ANKLE2: variants seen among roughly 807,000 people sequenced by gnomAD.
ANKLE2 encodes the protein ankyrin repeat and LEM domain-containing protein 2.
In ANKLE2, 55 loss-of-function variants were observed where a neutral mutation model predicts 84.2. The observed-to-expected ratio is 0.65, with a 90% CI of 0.53 to 0.82. The LOEUF (loss-of-function observed/expected upper bound fraction) is 0.82, where lower values mean the gene tolerates loss of function less well. ANKLE2 is among the 40% of genes least tolerant of loss of function. The pLI is 0.00. For missense variants in ANKLE2, 1,238 were observed against 1,201.9 expected (o/e 1.03, Z -0.44); for synonymous variants, 551 against 486.1 (o/e 1.13, Z -1.76).
chr12:132,736,618 A>T (rs1022141198), intron 8 of ANKLE2, among the ~76,000 whole-genome samples: 1 of 152,232 alleles, frequency 6.6e-6, no homozygotes, highest in African/African-American at 2.4e-5. Flanking sequence ...CGACACGCGC[A>T]CAGGACGGGG....
rs954752423 is a variant in ANKLE2 at position 132,726,041 on chromosome 12, A to G, written c.*1201T>C. The G allele has an allele frequency of 2.6e-5, 4 of 152,214 alleles. No homozygotes were observed. Among genetic ancestry groups the G allele is most frequent in the Non-Finnish European group, 4.4e-5 (3 of 68,042 alleles). The allele number at this position is 152,214 out of a possible 1,614,324, so 9.4% of individuals were successfully genotyped here. On this transcript the variant is annotated 3_prime_UTR_variant, in exon 13 of 13. Transcript: ENST00000357997. The stretch of plus-strand genomic sequence containing the variant: ...CTGCGTCTACTTAATATCCCTGTAT[A>G]TCCTCAAAAAGCAAGTTCAGGAAAT...
chr12:132,757,883 C>T (rs1021885240), intron 1 of ANKLE2: 4 of 149,864 alleles, frequency 2.7e-5, no homozygotes, highest in African/African-American at 9.9e-5. Context: ...ACTTGGGGGG[C>T]TGAGGAAGGA....
At chr12:132,753,249 G>A (rs923400169) in intron 2 of ANKLE2, among the ~76,000 whole-genome samples, 2 of 152,086 alleles carry the variant, frequency 1.3e-5, no homozygotes, top group Non-Finnish European at 2.9e-5. Flanking sequence ...GAGCCTGGTA[G>A]GCAGACATTG....
At chr12:132,756,349 G>C (rs574744607) in intron 1 of ANKLE2, 1 of 151,494 alleles carries the variant, frequency 6.6e-6, no homozygotes, top group East Asian at 2.0e-4. Context: ...CAGCCTAGGG[G>C]ACAAGAGCAA....
In ANKLE2 at chr12:132,727,451, A is replaced by G; in HGVS notation, c.2616-8T>C. ...ACCGCGGGACTGGGCCAACTGCGGA[A>G]AGCAAGAAAGAACTGTTAGCAGACG... On this transcript the variant is annotated splice_region_variant and splice_polypyrimidine_tract_variant and intron_variant, in intron 12 of 12. Coordinates refer to ENST00000357997, the MANE Select transcript of ANKLE2 (RefSeq NM_015114.3). 6.4e-7 allele frequency: 1 copy of G among 1,552,118 alleles called. No homozygotes were observed. Among genetic ancestry groups the G allele is most frequent in the Non-Finnish European group, 8.7e-7 (1 of 1,147,832 alleles).
rs1397442459 is a variant in ANKLE2, at chr12:132,727,288, C to G, written c.2771G>C (p.Ser924Thr). The G allele has an allele frequency of 6.4e-7, 1 of 1,566,658 alleles. No individual in the cohort carries two copies. Among genetic ancestry groups the G allele is most frequent in the South Asian group, 1.2e-5 (1 of 85,114 alleles). ...CAGGCGCGCCATCCTGCGGAGCTGG[C>G]TCCCGTGCACGGGGCTGTAGCGCCC... Reference protein sequence around the residue: ...SPGRYSPVHGSQLRRMARLAE... With the variant: ...SPGRYSPVHGTQLRRMARLAE... Residue 924 changes from serine (S) to threonine (T), a missense_variant, in exon 13 of 13, where the codon AGC becomes ACC. This residue lies in a region of ANKLE2 where 802 missense variants were observed against 774.5 expected (regional missense o/e 1.04). Transcript: ENST00000357997.
At position 132,734,475 on chromosome 12, in the gene ANKLE2, C is replaced by G; in HGVS notation, c.1801G>C (p.Glu601Gln). The change falls in exon 10 of 13, where the codon GAA becomes CAA. Residue 601 changes from glutamate to glutamine, a missense_variant. Physicochemically the swap from Glu to Gln is conservative, Grantham distance 29. Coordinates refer to ENST00000357997, the MANE Select transcript of ANKLE2 (RefSeq NM_015114.3). ...CCTATTTCCTGCTGTGTGAGATATT[C>G]TTCTAGTCTTTGCAGGCCTTCCTGG... ...SSQEGLQRLEEYLTQQEIGKK... is the reference protein window; with the variant it reads ...SSQEGLQRLEQYLTQQEIGKK... 2 of 1,614,132 alleles carry G rather than the reference C, an allele frequency of 1.2e-6. No homozygotes were observed. The highest frequency in any genetic ancestry group is 2.2e-5 in the South Asian group (2 of 91,088).
At chr12:132,728,516 C>A (rs1015899709) in intron 11 of ANKLE2, among the ~76,000 whole-genome samples, 2 of 152,242 alleles carry the variant, frequency 1.3e-5, no homozygotes, top group Non-Finnish European at 2.9e-5. Context: ...GCGTGAGCCA[C>A]CACACCCAGA....
At position 132,727,395 on chromosome 12, in the gene ANKLE2, A is replaced by C. The variant is rs1179034603; in HGVS notation, c.2664T>G (p.Asp888Glu). 1 of 1,561,456 alleles carries C rather than the reference A, an allele frequency of 6.4e-7. No homozygotes were observed. Among genetic ancestry groups the C allele is most frequent in the Non-Finnish European group, 8.7e-7 (1 of 1,152,694 alleles). Residue 888 changes from aspartate to glutamate, a missense_variant, in exon 13 of 13, where the codon GAT becomes GAG. This residue lies in a region of ANKLE2 where 802 missense variants were observed against 774.5 expected (regional missense o/e 1.04). Coordinates refer to ENST00000357997, the MANE Select transcript of ANKLE2 (RefSeq NM_015114.3). The stretch of plus-strand genomic sequence containing the variant: ...GACTGTAGCTGTGAGGGCCACTGAG[A>C]TCTGGCAGCTGAGACTTGAACCTTC... ...VKGRFKSQLP[D>E]LSGPHSYSPG...
Position 132,754,766 on chromosome 12 carries a change from G to A in ANKLE2, c.549C>T (p.Thr183=), listed in dbSNP as rs562657982. 18 of 1,613,984 alleles carry A rather than the reference G, an allele frequency of 1.1e-5. No individual in the cohort carries two copies. Among genetic ancestry groups the A allele is most frequent in the Non-Finnish European group, 1.4e-5 (16 of 1,180,042 alleles). ...SKTCSVPPSD[T]DTYRAGATAS... ...CAGTCGCTCCAGCTCTGTAGGTGTC[G>A]GTGTCACTAGGGGGCACCGAGCAGG... The change falls in exon 2 of 13, where the codon ACC becomes ACT. Residue 183 remains threonine, a synonymous_variant. Coordinates refer to ENST00000357997, the MANE Select transcript of ANKLE2 (RefSeq NM_015114.3).
chr12:132,743,080 G>C lies in ANKLE2; in HGVS notation c.1353+74C>G. The stretch of plus-strand genomic sequence containing the variant: ...AGCTCCTTGTGGCTTCCCTGTGCCT[G>C]TGATCACAGACTGTAAATTTATATA... On this transcript the variant is annotated intron_variant, in intron 6 of 12. Transcript: ENST00000357997. This position sits in a 1 kb window ranked among gnomAD's most constrained non-coding sequence, Gnocchi z 4.1. 1 of 1,421,962 alleles carries C rather than the reference G, an allele frequency of 7.0e-7. No individual in the cohort carries two copies. Among genetic ancestry groups the C allele is most frequent in the Non-Finnish European group, 9.4e-7 (1 of 1,059,908 alleles). The allele number at this position is 1,421,962 out of a possible 1,614,324, so 88.1% of individuals were successfully genotyped here.
rs542375274 is a variant in ANKLE2, at chr12:132,728,252, C to T, written c.2484-89G>A. 1.2e-5 allele frequency: 18 copies of T among 1,510,018 alleles called. No individual in the cohort carries two copies. In the African/African-American group the frequency reaches 1.4e-4, roughly 12 times the overall value. 93.5% of individuals were successfully genotyped at this position (1,510,018 alleles called of 1,614,324 possible). A position where few individuals can be genotyped will look rare whatever the true frequency, so the allele number is the denominator to read the frequency against. On this transcript the variant is annotated intron_variant, in intron 11 of 12. Coordinates refer to ENST00000357997, the MANE Select transcript of ANKLE2 (RefSeq NM_015114.3). ...CACTACTTTTTTTTTTATTTTGAGA[C>T]GGAGTCTTGCTCTGTCGCCCAGGCT...
intron 10 of ANKLE2, 26 bp downstream of exon 10, chr12:132,734,359 C>T (rs2043961485): frequency 6.2e-7 from 1 of 1,607,122 alleles, no homozygotes; most frequent in African/African-American, 1.3e-5. Flanking sequence ...CTCCCAGCTG[C>T]CACAGCCACG....
chr12:132,731,612 G>GT (rs1341150127), intron 10 of ANKLE2: 1 of 151,888 alleles, frequency 6.6e-6, no homozygotes, highest in Non-Finnish European at 1.5e-5. Context: ...GCAAATTTCT[G>GT]TTTTTTTAAA....
chr12:132,732,937 CGT>C lies in ANKLE2; in HGVS notation c.1891+1446_1891+1447del, dbSNP rs1279231370. Among the ~76,000 whole-genome samples the C allele has an allele frequency of 1.6e-4, 22 of 137,400 alleles. 2 individuals carry two copies. Among genetic ancestry groups the C allele is most frequent in the African/African-American group, 6.6e-4 (22 of 33,446 alleles). The allele number at this position is 137,400 out of a possible 152,430, so 90.1% of individuals were successfully genotyped here. A position where few individuals can be genotyped will look rare whatever the true frequency, so the allele number is the denominator to read the frequency against. On this transcript the variant is annotated intron_variant, in intron 10 of 12. Coordinates refer to ENST00000357997, the MANE Select transcript of ANKLE2 (RefSeq NM_015114.3). Reference sequence around the variant, plus strand: ...CTGCATCCTGGTGTCTGATATGCACCGTGTGAAGCTCTCTGCGTCCTGGTGTC... The same window carrying C: ...CTGCATCCTGGTGTCTGATATGCACCGTGAAGCTCTCTGCGTCCTGGTGTC...
intron 7 of ANKLE2, chr12:132,738,235 C>A (rs1185565706): frequency 6.6e-6 from 1 of 152,226 alleles, no homozygotes; most frequent in African/African-American, 2.4e-5. Flanking sequence ...TTACAATTTG[C>A]ATCACTGAAT....
intron 5 of ANKLE2, 35 bp downstream of exon 5, chr12:132,747,797 A>G: frequency 6.4e-7 from 1 of 1,570,452 alleles, no homozygotes; most frequent in Non-Finnish European, 8.6e-7. Context: ...TAACCAATTA[A>G]ATAAAGAAAG....
chr12:132,740,244 C>G (rs545807022), intron 7 of ANKLE2, among the ~76,000 whole-genome samples: 153 of 152,358 alleles, frequency 1.0e-3, no homozygotes, highest in Non-Finnish European at 1.7e-3. Flanking sequence ...GATTCATTTC[C>G]TGTGCACAGC....
Position 132,750,775 on chromosome 12 carries a change from C to T in ANKLE2, c.715G>A (p.Ala239Thr), listed in dbSNP as rs1429585300. The change falls in exon 3 of 13, where the codon GCT (alanine) becomes ACT (threonine). Residue 239 changes from alanine to threonine, a missense_variant. This residue lies in a region of ANKLE2 where 422 missense variants were observed against 394.5 expected (regional missense o/e 1.07). Coordinates refer to ENST00000357997, the MANE Select transcript of ANKLE2 (RefSeq NM_015114.3). ...VKMIKGSRFKAFSTREDAEKF... is the reference protein window; with the variant it reads ...VKMIKGSRFKTFSTREDAEKF... The stretch of plus-strand genomic sequence containing the variant: ...TCAGCGTCTTCTCTGGTAGAAAAAG[C>T]TTTAAATCGGGACCCTTTGATCATC... 1.9e-6 allele frequency: 3 copies of T among 1,614,206 alleles called. No individual in the cohort carries two copies. Among genetic ancestry groups the T allele is most frequent in the East Asian group, 2.2e-5 (1 of 44,888 alleles).
Sources: allele counts gnomAD v4.1 joint callset (sites outside exome capture counted in the v4.1 genomes callset), GRCh38; gene constraint gnomAD v4.1.1; regional missense constraint gnomAD v4.1.1; non-coding constraint Gnocchi (gnomAD v3.1); transcripts MANE v1.5; gene names NCBI Gene and HGNC (gene_info 2026-07-23, HGNC 2026-07-21).